The following SLC7A14 variants were observed in gnomAD, a reference collection of about 807,000 sequenced individuals.
SLC7A14 encodes the protein solute carrier family 7 member 14.
In SLC7A14, 37 loss-of-function variants were observed where a neutral mutation model predicts 60.2. That is an observed-to-expected ratio of 0.61 (90% CI 0.47 to 0.81). The LOEUF is 0.81. Ranked by LOEUF, SLC7A14 falls within the 30% of genes least tolerant of loss-of-function variation. The pLI is 0.00. For missense variants in SLC7A14, 886 were observed against 982.7 expected (o/e 0.90, Z 1.32); for synonymous variants, 399 against 395.8 (o/e 1.01, Z -0.10).
intron 4 of SLC7A14, among the ~76,000 whole-genome samples, chr3:170,490,606 G>C (rs576338838): frequency 1.3e-5 from 2 of 152,328 alleles, no homozygotes; most frequent in African/African-American, 4.8e-5. Context: ...AATATGTGCA[G>C]TACCGGCAGT....
intron 2 of SLC7A14, among the ~76,000 whole-genome samples, chr3:170,526,431 GA>G (rs35594669): frequency 0.074 from 10,162 of 136,960 alleles, 396 homozygotes; most frequent in South Asian, 0.1. Flanking sequence ...AAAAGAAAAA[GA>G]AAAAAAAAAA....
At chr3:170,562,648 T>TA (rs1194295516) in intron 1 of SLC7A14, among the ~76,000 whole-genome samples, 2 of 152,092 alleles carry the variant, frequency 1.3e-5, no homozygotes, top group Non-Finnish European at 2.9e-5. Flanking sequence ...AATTAAAAAT[T>TA]AAAAAAATAT....
At chr3:170,485,615 G>C (rs1239895387) in intron 5 of SLC7A14, among the ~76,000 whole-genome samples, 1 of 152,178 alleles carries the variant, frequency 6.6e-6, no homozygotes, top group Non-Finnish European at 1.5e-5. Context: ...TCAGGGGCGT[G>C]ATCCTGAGGA....
At position 170,466,202 on chromosome 3, in the gene SLC7A14, A is replaced by G. The variant is rs1042306079; in HGVS notation, c.*853T>C. 2 of 152,094 alleles carry G rather than the reference A, an allele frequency of 1.3e-5. No individual in the cohort carries two copies. The highest frequency in any genetic ancestry group is 4.8e-5 in the African/African-American group (2 of 41,400). 9.4% of individuals were successfully genotyped at this position (152,094 alleles called of 1,614,324 possible). ...TTTTTATCTGATTATAAAACAAACA[A>G]CCTACTTTTTCAAGGCATATCAGTG... On this transcript the variant is annotated 3_prime_UTR_variant, in exon 8 of 8. Transcript: ENST00000231706.
intron 1 of SLC7A14, among the ~76,000 whole-genome samples, chr3:170,575,874 A>T (rs1439983957): frequency 6.6e-6 from 1 of 152,204 alleles, no homozygotes; most frequent in African/African-American, 2.4e-5. Flanking sequence ...ATACTCATAA[A>T]ATCCCTGTTC....
intron 1 of SLC7A14, among the ~76,000 whole-genome samples, chr3:170,571,375 A>G (rs1248842905): frequency 6.6e-6 from 1 of 152,218 alleles, no homozygotes; most frequent in East Asian, 1.9e-4. Context: ...CAAACCACTC[A>G]CAGGAGCCTT....
rs543321343 is a variant in SLC7A14 at position 170,512,586 on chromosome 3, TCTA to T, written c.305-11244_305-11242del. Among the ~76,000 whole-genome samples, 9 of 151,136 alleles carry T rather than the reference TCTA, an allele frequency of 6.0e-5. No individual in the cohort carries two copies. In the South Asian group the frequency reaches 1.9e-3, roughly 32 times the overall value. On this transcript the variant is annotated intron_variant, in intron 2 of 7. Transcript: ENST00000231706. ...CCTCCTTCCTTCTCCTCTCCCCTTT[TCTA>T]CTCCCCCACACCTCAGAACTCTAGG...
In SLC7A14 at chr3:170,532,958, G is replaced by A. The variant is rs1167979505; in HGVS notation, c.-152-5870C>T. On this transcript the variant is annotated intron_variant, in intron 1 of 7. Coordinates refer to ENST00000231706, the MANE Select transcript of SLC7A14 (RefSeq NM_020949.3). The surrounding 1 kb of genome is among the most constrained non-coding windows in gnomAD (Gnocchi z 4.0). Reference sequence around the variant, plus strand: ...AGCAGATTTGCTTAGGCCTTTGGGTGTTATGCCTCCTCTCATTCTTCTATA... The same window carrying A: ...AGCAGATTTGCTTAGGCCTTTGGGTATTATGCCTCCTCTCATTCTTCTATA... Among the ~76,000 whole-genome samples the A allele has an allele frequency of 3.9e-5, 6 of 152,164 alleles. No homozygotes were observed. Among genetic ancestry groups the A allele is most frequent in the African/African-American group, 1.4e-4 (6 of 41,424 alleles).
chr3:170,467,691 A>G (rs1225103292), intron 7 of SLC7A14, among the ~76,000 whole-genome samples: 1 of 152,146 alleles, frequency 6.6e-6, no homozygotes, highest in Non-Finnish European at 1.5e-5. Context: ...GCCTCTTTAG[A>G]CAGGATACAG....
intron 7 of SLC7A14, among the ~76,000 whole-genome samples, chr3:170,468,810 C>A (rs1739797082): frequency 1.3e-5 from 2 of 152,154 alleles, no homozygotes; most frequent in African/African-American, 4.8e-5. Flanking sequence ...CTATAGCAAC[C>A]CTCTTAACAT....
rs1712603839 is a variant in SLC7A14, at chr3:170,501,360, C to G, written c.305-15G>C. 6.2e-7 allele frequency: 1 copy of G among 1,608,808 alleles called. No homozygotes were observed. The highest frequency in any genetic ancestry group is 1.3e-5 in the African/African-American group (1 of 74,852). On this transcript the variant is annotated splice_polypyrimidine_tract_variant and intron_variant, in intron 2 of 7. Transcript: ENST00000231706. ...ATAGCAGACGCCTGCAAGGGACAGA[C>G]ATACACAGATGGTGGACTTCAGGAG... is the stretch of plus-strand genomic sequence containing the variant.
chr3:170,517,870 G>A (rs1713216968), intron 2 of SLC7A14, among the ~76,000 whole-genome samples: 1 of 152,208 alleles, frequency 6.6e-6, no homozygotes, highest in African/African-American at 2.4e-5. Context: ...CATAAACTAA[G>A]GGTGTCGAGA....
intron 1 of SLC7A14, among the ~76,000 whole-genome samples, chr3:170,542,995 G>A (rs952456839): frequency 5.9e-5 from 9 of 152,098 alleles, no homozygotes. Context: ...GGTTTAACCT[G>A]AAAAAGAAAT....
At position 170,480,277 on chromosome 3, in the gene SLC7A14, G is replaced by C. The variant is rs866316890; in HGVS notation, c.1993+12C>G. On this transcript the variant is annotated intron_variant, in intron 7 of 7. Transcript: ENST00000231706. ...AAAGGGAACTCTTAAGGCTCCAAAGGAAGTTGCTTACCCACAAAGCACCAG... is the reference window on the plus strand; with the variant it reads ...AAAGGGAACTCTTAAGGCTCCAAAGCAAGTTGCTTACCCACAAAGCACCAG... 1 of 1,519,018 alleles carries C rather than the reference G, an allele frequency of 6.6e-7. No individual in the cohort carries two copies. Among genetic ancestry groups the C allele is most frequent in the South Asian group, 1.3e-5 (1 of 75,062 alleles). The allele number at this position is 1,519,018 out of a possible 1,614,324, so 94.1% of individuals were successfully genotyped here.
chr3:170,474,540 T>C (rs904169338), intron 7 of SLC7A14, among the ~76,000 whole-genome samples: 1 of 152,226 alleles, frequency 6.6e-6, no homozygotes, highest in Admixed American at 6.5e-5. Context: ...AATTTTGACA[T>C]TGGAAGAGCC....
chr3:170,496,482 G>T, intron 4 of SLC7A14: 1 of 1,363,720 alleles, frequency 7.3e-7, no homozygotes, highest in South Asian at 1.2e-5. Context: ...GGATGCCAGC[G>T]CCAAGCGGTC....
intron 1 of SLC7A14, among the ~76,000 whole-genome samples, chr3:170,543,923 T>C (rs1338784709): frequency 6.6e-6 from 1 of 151,644 alleles, no homozygotes; most frequent in Admixed American, 6.6e-5. Context: ...CTAATTTTTG[T>C]ATTTTTAGTA....
intron 4 of SLC7A14, among the ~76,000 whole-genome samples, chr3:170,492,213 A>G (rs1039941128): frequency 3.3e-5 from 5 of 152,238 alleles, no homozygotes; most frequent in African/African-American, 9.6e-5. Flanking sequence ...CCTAGGGGTG[A>G]GCATCTGTGA....
intron 4 of SLC7A14, chr3:170,496,446 G>A (rs1407951506): frequency 2.1e-5 from 26 of 1,260,912 alleles, no homozygotes; most frequent in Non-Finnish European, 1.5e-5. Context: ...CGCAGATACC[G>A]AGCAGCGTGG....
Sources: allele counts gnomAD v4.1 joint callset (sites outside exome capture counted in the v4.1 genomes callset), GRCh38; gene constraint gnomAD v4.1.1; non-coding constraint Gnocchi (gnomAD v3.1); transcripts MANE v1.5; gene names NCBI Gene and HGNC (gene_info 2026-07-23, HGNC 2026-07-21).